TMEM87A: variants seen among roughly 807,000 people sequenced by gnomAD.
TMEM87A encodes the protein transmembrane protein 87A.
Under a neutral mutation model 90.0 loss-of-function variants are expected in TMEM87A, and 50 were observed. That is an observed-to-expected ratio of 0.56 (90% CI 0.44 to 0.70). The LOEUF is 0.70. TMEM87A is among the 30% of genes least tolerant of loss of function. TMEM87A has a pLI of 0.00. For synonymous variants in TMEM87A, 226 were observed against 226.7 expected (o/e 1.00, Z 0.03); for missense variants, 577 against 660.5 (o/e 0.87, Z 1.39).
chr15:42,246,968 T>A (rs975106239), intron 6 of TMEM87A, among the ~76,000 whole-genome samples: 3 of 152,202 alleles, frequency 2.0e-5, no homozygotes, highest in Non-Finnish European at 4.4e-5. Flanking sequence ...GTTTCCTGAC[T>A]TTTTACTGAT....
intron 19 of TMEM87A, among the ~76,000 whole-genome samples, chr15:42,217,388 T>G (rs2050400996): frequency 6.6e-6 from 1 of 152,242 alleles, no homozygotes; most frequent in African/African-American, 2.4e-5. Flanking sequence ...GACAAAAATA[T>G]TATTAAATAG....
chr15:42,270,248 T>TA (rs2051492281), intron 2 of TMEM87A, among the ~76,000 whole-genome samples: 1 of 151,830 alleles, frequency 6.6e-6, no homozygotes, highest in Non-Finnish European at 1.5e-5. Context: ...CACGCGCCTA[T>TA]AGTCCCAGCT....
chr15:42,228,309 C>T (rs1172599596), intron 13 of TMEM87A, among the ~76,000 whole-genome samples: 1 of 152,152 alleles, frequency 6.6e-6, no homozygotes, highest in Non-Finnish European at 1.5e-5. Context: ...TTTACATATG[C>T]TTGCTGACAT....
At chr15:42,250,889 T>C (rs887447608) in intron 6 of TMEM87A, among the ~76,000 whole-genome samples, 9 of 152,226 alleles carry the variant, frequency 5.9e-5, no homozygotes, top group Non-Finnish European at 1.3e-4. Context: ...CAGATGTAGA[T>C]TTGGCCTTTT....
intron 6 of TMEM87A, among the ~76,000 whole-genome samples, chr15:42,254,372 T>C (rs1052346431): frequency 1.3e-5 from 2 of 152,152 alleles, no homozygotes; most frequent in Admixed American, 6.5e-5. Context: ...CCCAAATGAG[T>C]TGAAAACTTA....
intron 15 of TMEM87A, among the ~76,000 whole-genome samples, chr15:42,221,905 C>T (rs12101832): frequency 0.017 from 2,618 of 152,096 alleles, 26 homozygotes; most frequent in Admixed American, 0.027. Flanking sequence ...CATGCACTAC[C>T]ATGCCCAGCT....
chr15:42,229,162 C>T (rs907589695), intron 12 of TMEM87A, among the ~76,000 whole-genome samples: 4 of 152,036 alleles, frequency 2.6e-5, no homozygotes, highest in Admixed American at 2.6e-4. Flanking sequence ...GCCACCATGC[C>T]TGGCTAATTT....
intron 6 of TMEM87A, chr15:42,258,878 T>C: frequency 6.6e-7 from 1 of 1,522,090 alleles, no homozygotes; most frequent in Non-Finnish European, 8.9e-7. Context: ...TACTCATCCA[T>C]AAAAGCAACG....
intron 6 of TMEM87A, among the ~76,000 whole-genome samples, chr15:42,250,576 T>C (rs926051981): frequency 9.9e-5 from 15 of 152,164 alleles, no homozygotes; most frequent in Non-Finnish European, 1.6e-4. Flanking sequence ...TATTTAAGAA[T>C]GTTGAATATT....
intron 1 of TMEM87A, among the ~76,000 whole-genome samples, chr15:42,272,390 C>G (rs2051553557): frequency 1.3e-5 from 2 of 152,156 alleles, no homozygotes; most frequent in African/African-American, 4.8e-5. Context: ...CAAGTAAAAA[C>G]CTAACTGAAC....
intron 6 of TMEM87A, 43 bp from the exon 7 acceptor site, chr15:42,244,210 T>G (rs1173096732): frequency 1.5e-6 from 2 of 1,347,752 alleles, no homozygotes; most frequent in African/African-American, 1.5e-5. Flanking sequence ...TCTTAAGAAT[T>G]AAGAGCACAA....
At chr15:42,254,758 T>C (rs2051145421) in intron 6 of TMEM87A, among the ~76,000 whole-genome samples, 2 of 152,234 alleles carry the variant, frequency 1.3e-5, no homozygotes, top group East Asian at 1.9e-4. Context: ...GAAACTATTC[T>C]GTATGATACT....
intron 6 of TMEM87A, among the ~76,000 whole-genome samples, chr15:42,250,686 C>T (rs1595735703): frequency 6.6e-6 from 1 of 152,254 alleles, no homozygotes; most frequent in East Asian, 1.9e-4. Flanking sequence ...TCCTTCATTT[C>T]AACCTTGGTG....
At chr15:42,248,887 G>C (rs1236124232) in intron 6 of TMEM87A, among the ~76,000 whole-genome samples, 1 of 152,176 alleles carries the variant, frequency 6.6e-6, no homozygotes, top group African/African-American at 2.4e-5. Flanking sequence ...ACCTCTGGTA[G>C]AATTCAGCTG....
At chr15:42,269,604 G>A (rs1055837186) in intron 2 of TMEM87A, among the ~76,000 whole-genome samples, 25 of 152,180 alleles carry the variant, frequency 1.6e-4, no homozygotes, top group African/African-American at 5.5e-4. Flanking sequence ...TGCTGTTTAT[G>A]TTACAAGACA....
chr15:42,265,638 C>G (rs1280325816), intron 3 of TMEM87A, among the ~76,000 whole-genome samples: 2 of 152,128 alleles, frequency 1.3e-5, no homozygotes, highest in African/African-American at 4.8e-5. Flanking sequence ...AATATTTTCT[C>G]CCATTCTGTA....
In TMEM87A at chr15:42,237,447, A is replaced by G. The variant is rs752038087; in HGVS notation, c.853T>C (p.Tyr285His). The stretch of plus-strand genomic sequence containing the variant: ...GGTTACTTACCAGATTCTCCTTTGT[A>G]TCGGATATTCTGAAATTCCGCATAG... ...VFYAEFQNIR[Y>H]KGESVQGALI... Residue 285 changes from tyrosine (Y) to histidine (H), a missense_variant, in exon 9 of 20, where the codon TAC becomes CAC. Coordinates refer to ENST00000389834, the MANE Select transcript of TMEM87A (RefSeq NM_015497.5). 11 of 1,613,920 alleles carry G rather than the reference A, an allele frequency of 6.8e-6. No individual in the cohort carries two copies. In the Admixed American group the frequency reaches 8.3e-5, roughly 12 times the overall value.
rs1439186075 is a variant in TMEM87A, at chr15:42,211,720, G to A, written c.1656C>T (p.Ser552=). ...ATCTTCCCATTCCTTACTCCATTTT[G>A]GACCTTTCAAAGTGTGTGATCATTC... ...EERMITHFER[S]KME Residue 552 remains serine (S), a synonymous_variant, in exon 20 of 20, where the codon TCC becomes TCT. Transcript: ENST00000389834. 1 of 1,612,350 alleles carries A rather than the reference G, an allele frequency of 6.2e-7. No individual in the cohort carries two copies. Among genetic ancestry groups the A allele is most frequent in the Non-Finnish European group, 8.5e-7 (1 of 1,179,540 alleles).
intron 2 of TMEM87A, among the ~76,000 whole-genome samples, chr15:42,270,761 G>A (rs2051506678): frequency 6.6e-6 from 1 of 152,240 alleles, no homozygotes; most frequent in Non-Finnish European, 1.5e-5. Flanking sequence ...CAAGGCCAGT[G>A]TCAGAGTAGA....
Sources: gnomAD v4.1 joint callset for allele counts (sites outside exome capture counted in the v4.1 genomes callset) on GRCh38, gnomAD v4.1.1 for gene constraint, MANE v1.5 for transcripts, NCBI Gene and HGNC (gene_info 2026-07-23, HGNC 2026-07-21) for gene names.